The following SULF2 variants were observed in gnomAD, a reference collection of about 807,000 sequenced individuals.
SULF2 encodes extracellular sulfatase Sulf-2.
SULF2 carries 52 observed loss-of-function variants against 107.7 expected under a neutral mutation model. The observed-to-expected ratio is 0.48, with a 90% CI of 0.39 to 0.61. SULF2 has a LOEUF of 0.61. SULF2 is among the 20% of genes least tolerant of loss of function. The pLI is 0.00. For synonymous variants in SULF2, 460 were observed against 464.3 expected, an observed-to-expected ratio of 0.99 and a Z score of 0.12; for missense variants, 993 against 1,177.3, an observed-to-expected ratio of 0.84 and a Z score of 2.29.
intron 2 of SULF2, among the ~76,000 whole-genome samples, chr20:47,744,715 C>T (rs2089967338): frequency 6.6e-6 from 1 of 152,122 alleles, no homozygotes; most frequent in Non-Finnish European, 1.5e-5. Context: ...GGCCACATAT[C>T]ACCTGCTACA....
chr20:47,692,256 C>A (rs978979222), intron 4 of SULF2, among the ~76,000 whole-genome samples: 2 of 152,112 alleles, frequency 1.3e-5, no homozygotes, highest in African/African-American at 2.4e-5. Context: ...ATATACATAC[C>A]ATGATGTATT....
At chr20:47,781,616 G>A (rs1245170786) in intron 1 of SULF2, among the ~76,000 whole-genome samples, 1 of 152,158 alleles carries the variant, frequency 6.6e-6, no homozygotes. Flanking sequence ...TGACACCTAA[G>A]TTATGGTAAC....
At chr20:47,718,481 C>A (rs1188632528) in intron 3 of SULF2, among the ~76,000 whole-genome samples, 1 of 152,162 alleles carries the variant, frequency 6.6e-6, no homozygotes, top group African/African-American at 2.4e-5. Flanking sequence ...AAACCTGCAT[C>A]TTCCTGGAGC....
chr20:47,766,568 T>C (rs2146950958), intron 1 of SULF2, among the ~76,000 whole-genome samples: 1 of 152,346 alleles, frequency 6.6e-6, no homozygotes, highest in Non-Finnish European at 1.5e-5. Context: ...TAACAAGACA[T>C]TCCTGAAGGC....
intron 3 of SULF2, among the ~76,000 whole-genome samples, chr20:47,736,438 A>C (rs1296571340): frequency 6.6e-6 from 1 of 152,206 alleles, no homozygotes; most frequent in Admixed American, 6.5e-5. Flanking sequence ...GCCTCTCCAC[A>C]CTATGATTCA....
At chr20:47,745,703 T>A (rs1207572126) in intron 2 of SULF2, among the ~76,000 whole-genome samples, 2 of 151,696 alleles carry the variant, frequency 1.3e-5, no homozygotes, top group African/African-American at 4.8e-5. Flanking sequence ...TAATTTTTTT[T>A]ATTTTTAGTA....
intron 3 of SULF2, among the ~76,000 whole-genome samples, chr20:47,705,249 A>G (rs2088693281): frequency 6.6e-6 from 1 of 152,176 alleles, no homozygotes; most frequent in African/African-American, 2.4e-5. Context: ...CAGCAGCCTC[A>G]GGGGTAAGGT....
chr20:47,704,740 C>T (rs2088675086), intron 3 of SULF2, among the ~76,000 whole-genome samples: 1 of 152,134 alleles, frequency 6.6e-6, no homozygotes, highest in Admixed American at 6.5e-5. Flanking sequence ...ATGAGCGTTC[C>T]AGGAGGTTGT....
intron 2 of SULF2, among the ~76,000 whole-genome samples, chr20:47,744,167 A>G (rs1445799895): frequency 5.3e-5 from 8 of 151,954 alleles, no homozygotes; most frequent in Non-Finnish European, 1.0e-4. Context: ...TGGATATTTT[A>G]AAGTTTTGCT....
At chr20:47,769,120 T>C (rs2090580822) in intron 1 of SULF2, among the ~76,000 whole-genome samples, 5 of 151,322 alleles carry the variant, frequency 3.3e-5, no homozygotes, top group Admixed American at 3.3e-4. Flanking sequence ...GCTCACTGCA[T>C]ACCTCCACCT....
At chr20:47,757,552 G>T in intron 1 of SULF2, 89 bp from the exon 2 acceptor site, 1 of 655,480 alleles carries the variant, frequency 1.5e-6, no homozygotes, top group Non-Finnish European at 2.5e-6. Context: ...CGGCTGGCAT[G>T]AACAATGGGA....
intron 2 of SULF2, among the ~76,000 whole-genome samples, chr20:47,745,382 G>GAAAAAAAA (rs1158560282): frequency 1.9e-5 from 1 of 52,046 alleles, no homozygotes; most frequent in African/African-American, 5.2e-5. Context: ...AGTTTTGAGG[G>GAAAAAAAA]AAAAAAAAAA....
chr20:47,714,762 C>G (rs1442880267), intron 3 of SULF2, among the ~76,000 whole-genome samples: 1 of 152,156 alleles, frequency 6.6e-6, no homozygotes, highest in Non-Finnish European at 1.5e-5. Context: ...TTCCCCCCAG[C>G]CTCCTGTCCT....
intron 7 of SULF2, among the ~76,000 whole-genome samples, chr20:47,679,796 G>A (rs551720352): frequency 6.6e-6 from 1 of 152,316 alleles, no homozygotes; most frequent in South Asian, 2.1e-4. Flanking sequence ...AAGCTGCTGA[G>A]TTTGTGGCAG....
intron 11 of SULF2, among the ~76,000 whole-genome samples, chr20:47,671,316 A>AT (rs1317320027): frequency 1.3e-5 from 2 of 151,324 alleles, no homozygotes; most frequent in East Asian, 2.0e-4. Context: ...TTTATTTTTT[A>AT]TTTTTTTTGA....
At chr20:47,776,055 C>G (rs2090719230) in intron 1 of SULF2, among the ~76,000 whole-genome samples, 1 of 152,188 alleles carries the variant, frequency 6.6e-6, no homozygotes, top group Non-Finnish European at 1.5e-5. Flanking sequence ...CAGCTCTCAT[C>G]TGGCCACTTT....
At chr20:47,684,254 A>G (rs957303565) in intron 6 of SULF2, 177 bp downstream of exon 6, 9 of 569,376 alleles carry the variant, frequency 1.6e-5, no homozygotes, top group African/African-American at 9.7e-5. Flanking sequence ...TCATGAAGGA[A>G]GAGGCTTTTG....
At chr20:47,732,566 G>T (rs1014667783) in intron 3 of SULF2, among the ~76,000 whole-genome samples, 1 of 152,234 alleles carries the variant, frequency 6.6e-6, no homozygotes, top group African/African-American at 2.4e-5. Context: ...ATGTGGCGAG[G>T]TGCAGTGGCT....
intron 1 of SULF2, among the ~76,000 whole-genome samples, chr20:47,758,282 G>A (rs1484021916): frequency 6.8e-6 from 1 of 148,094 alleles, no homozygotes; most frequent in Non-Finnish European, 1.5e-5. Flanking sequence ...CGATTCTCCT[G>A]CCTCAGCCTC....
Sources: gnomAD v4.1 joint callset for allele counts (sites outside exome capture counted in the v4.1 genomes callset) on GRCh38, gnomAD v4.1.1 for gene constraint, MANE v1.5 for transcripts, NCBI Gene and HGNC (gene_info 2026-07-23, HGNC 2026-07-21) for gene names.